Variants in LPGAT1 observed in about 807,000 individuals in gnomAD.
LPGAT1 encodes the protein lysophosphatidylglycerol acyltransferase 1.
LPGAT1 carries 11 observed loss-of-function variants against 47.5 expected under a neutral mutation model. The observed-to-expected ratio is 0.23, with a 90% CI of 0.15 to 0.38. LPGAT1 has a LOEUF of 0.38. Among genes scored for constraint, LPGAT1 ranks in the 10% least tolerant of loss-of-function variants. The pLI is 1.00. For synonymous variants in LPGAT1, 138 were observed against 144.2 expected, an observed-to-expected ratio of 0.96 and a Z score of 0.31; for missense variants, 293 against 439.0, an observed-to-expected ratio of 0.67 and a Z score of 2.97.
At chr1:211,782,271 TTTGGCTATTATAAATAA>T (rs1658673152) in intron 5 of LPGAT1, among the ~76,000 whole-genome samples, 2 of 152,234 alleles carry the variant, frequency 1.3e-5, no homozygotes, top group African/African-American at 4.8e-5. Context: ...ATTCCAATTT[TTTGGCTATTATAAATAA>T]TTGGCTATTA....
intron 6 of LPGAT1, among the ~76,000 whole-genome samples, chr1:211,766,787 G>A (rs1054115051): frequency 6.6e-6 from 1 of 152,052 alleles, no homozygotes; most frequent in African/African-American, 2.4e-5. Flanking sequence ...TTCAAATTGT[G>A]GTATCTACTG....
At chr1:211,792,041 A>G (rs918427897) in intron 3 of LPGAT1, 2 of 151,624 alleles carry the variant, frequency 1.3e-5, no homozygotes. Flanking sequence ...GACTGAATTT[A>G]TTTTTTAAAT....
rs932699426 is a variant in LPGAT1 at position 211,747,948 on chromosome 1, T to G, written c.*1951A>C. On this transcript the variant is annotated 3_prime_UTR_variant, in exon 8 of 8. Coordinates refer to ENST00000366997, the MANE Select transcript of LPGAT1 (RefSeq NM_014873.3). ...TTACCAGTAGTAGTATAATATTCAA[T>G]GAGGTATTTCAGTTAATGCATCATT... is the stretch of plus-strand genomic sequence containing the variant. 1 of 152,674 alleles carries G rather than the reference T, an allele frequency of 6.5e-6. No individual in the cohort carries two copies. Among genetic ancestry groups the G allele is most frequent in the African/African-American group, 2.4e-5 (1 of 41,460 alleles). The allele number at this position is 152,674 out of a possible 1,614,324, so 9.5% of individuals were successfully genotyped here. A position where few individuals can be genotyped will look rare whatever the true frequency, so the allele number is the denominator to read the frequency against.
chr1:211,801,917 T>TA (rs1296964002), intron 2 of LPGAT1, among the ~76,000 whole-genome samples: 3 of 150,968 alleles, frequency 2.0e-5, no homozygotes, highest in South Asian at 2.1e-4. Flanking sequence ...CCATCTCTAC[T>TA]AAAAAAAAAT....
At chr1:211,823,176 T>G (rs1288933259) in intron 2 of LPGAT1, among the ~76,000 whole-genome samples, 1 of 152,170 alleles carries the variant, frequency 6.6e-6, no homozygotes, top group African/African-American at 2.4e-5. Context: ...AGTTAATGCT[T>G]CTGGGGAAGT....
chr1:211,799,048 T>C (rs1171614991), intron 2 of LPGAT1, among the ~76,000 whole-genome samples: 16 of 152,168 alleles, frequency 1.1e-4, no homozygotes, highest in Non-Finnish European at 2.9e-5. Flanking sequence ...AAAAACCTCC[T>C]AATACATACT....
rs147691542 is a variant in LPGAT1, at chr1:211,767,757, G to A, written c.854+11161C>T. Among the ~76,000 whole-genome samples, 1,131 of 152,232 alleles carry A rather than the reference G, an allele frequency of 7.4e-3. 52 individuals are homozygous for A. The highest frequency in any genetic ancestry group is 0.064 in the Admixed American group (979 of 15,286). On this transcript the variant is annotated intron_variant, in intron 6 of 7. Coordinates refer to ENST00000366997, the MANE Select transcript of LPGAT1 (RefSeq NM_014873.3). ...GAAATTATCAATAATTATAAGCAATGATAGAGAAAAGTCCTAGCATAAGAA... is the reference window on the plus strand; with the variant it reads ...GAAATTATCAATAATTATAAGCAATAATAGAGAAAAGTCCTAGCATAAGAA...
intron 5 of LPGAT1, among the ~76,000 whole-genome samples, chr1:211,781,096 GAAAAT>G (rs1658623125): frequency 6.6e-6 from 1 of 152,044 alleles, no homozygotes; most frequent in Non-Finnish European, 1.5e-5. Context: ...AAATGCAAAA[GAAAAT>G]AAAATGCAAA....
intron 3 of LPGAT1, 69 bp downstream of exon 3, chr1:211,793,003 C>T: frequency 9.3e-7 from 1 of 1,073,634 alleles, no homozygotes. Flanking sequence ...AGCCACCATG[C>T]CCGGCCAAAT....
intron 6 of LPGAT1, among the ~76,000 whole-genome samples, chr1:211,756,877 T>C (rs370165860): frequency 0.017 from 2,517 of 148,930 alleles, 27 homozygotes; most frequent in South Asian, 0.03. Flanking sequence ...TTTTCTCTCT[T>C]TTTTTTTTTT....
At chr1:211,812,599 C>A (rs1660025550) in intron 2 of LPGAT1, among the ~76,000 whole-genome samples, 1 of 152,100 alleles carries the variant, frequency 6.6e-6, no homozygotes, top group Non-Finnish European at 1.5e-5. Flanking sequence ...ATGTCAAATC[C>A]CTGGAACCTG....
intron 2 of LPGAT1, chr1:211,793,402 A>ATTAT (rs10597980): frequency 2.0e-3 from 303 of 148,644 alleles, no homozygotes; most frequent in South Asian, 3.1e-3. Context: ...TAAAATTATC[A>ATTAT]TTATTTATTT....
chr1:211,807,319 G>T (rs1227330681), intron 2 of LPGAT1, among the ~76,000 whole-genome samples: 2 of 151,608 alleles, frequency 1.3e-5, no homozygotes, highest in African/African-American at 4.8e-5. Flanking sequence ...ACTCAACATA[G>T]CAAAAATGTC....
intron 6 of LPGAT1, among the ~76,000 whole-genome samples, chr1:211,768,270 T>C (rs1658023772): frequency 6.6e-6 from 1 of 152,266 alleles, no homozygotes; most frequent in African/African-American, 2.4e-5. Flanking sequence ...AATGCTTTTG[T>C]TGCAATTATT....
At position 211,787,676 on chromosome 1, in the gene LPGAT1, A is replaced by T; in HGVS notation, c.409T>A (p.Phe137Ile). The T allele has an allele frequency of 6.2e-7, 1 of 1,609,916 alleles. No homozygotes were observed. The highest frequency in any genetic ancestry group is 2.2e-5 in the East Asian group (1 of 44,728). Residue 137 changes from phenylalanine to isoleucine, a missense_variant, in exon 4 of 8, where the codon TTT (phenylalanine) becomes ATT (isoleucine). Physicochemically the swap from Phe to Ile is conservative, Grantham distance 21. Coordinates refer to ENST00000366997, the MANE Select transcript of LPGAT1 (RefSeq NM_014873.3). Reference sequence around the variant, plus strand: ...CCATGAACTAGAGAAACAATTCCAAAGTTTGTGTACTTAAAAATATGATCC... The same window carrying T: ...CCATGAACTAGAGAAACAATTCCAATGTTTGTGTACTTAAAAATATGATCC... ...LMDHIFKYTN[F>I]GIVSLVHGDF...
chr1:211,800,710 C>T (rs1659542814), intron 2 of LPGAT1, among the ~76,000 whole-genome samples: 1 of 152,206 alleles, frequency 6.6e-6, no homozygotes, highest in African/African-American at 2.4e-5. Context: ...AACATCCTGA[C>T]TCCACCCCAA....
intron 2 of LPGAT1, among the ~76,000 whole-genome samples, chr1:211,825,166 A>G (rs1660504211): frequency 6.7e-6 from 1 of 150,190 alleles, no homozygotes; most frequent in Non-Finnish European, 1.5e-5. Context: ...AAATATTTTT[A>G]AAGTATTTCA....
rs1267367960 is a variant in LPGAT1, at chr1:211,830,012, G to A, written c.-28+561C>T. 16 of 985,738 alleles carry A rather than the reference G, an allele frequency of 1.6e-5. No homozygotes were observed. The highest frequency in any genetic ancestry group is 1.9e-5 in the Non-Finnish European group (16 of 830,336). The allele number at this position is 985,738 out of a possible 1,614,324, so 61.1% of individuals were successfully genotyped here. ...AAAGCCAGAAAGAGGTAAAAGCCAAGGAACTGGGGATGAAGAGAATGAGAT... is the reference window on the plus strand; with the variant it reads ...AAAGCCAGAAAGAGGTAAAAGCCAAAGAACTGGGGATGAAGAGAATGAGAT... On this transcript the variant is annotated intron_variant, in intron 1 of 7. Coordinates refer to ENST00000366997, the MANE Select transcript of LPGAT1 (RefSeq NM_014873.3). The surrounding 1 kb of genome is among the most constrained non-coding windows in gnomAD (Gnocchi z 5.9).
At chr1:211,812,887 T>C (rs1054178290) in intron 2 of LPGAT1, among the ~76,000 whole-genome samples, 2 of 152,196 alleles carry the variant, frequency 1.3e-5, no homozygotes, top group African/African-American at 4.8e-5. Context: ...GATTTGAATG[T>C]CGGGCCTCTA....
Sources: allele counts gnomAD v4.1 joint callset (sites outside exome capture counted in the v4.1 genomes callset), GRCh38; gene constraint gnomAD v4.1.1; non-coding constraint Gnocchi (gnomAD v3.1); transcripts MANE v1.5; gene names NCBI Gene and HGNC (gene_info 2026-07-23, HGNC 2026-07-21).